Variants in AUTS2 observed in about 807,000 individuals in gnomAD.
AUTS2 encodes activator of transcription and developmental regulator AUTS2.
Under a neutral mutation model 112.4 loss-of-function variants are expected in AUTS2, and 17 were observed. The observed-to-expected ratio is 0.15, with a 90% CI of 0.10 to 0.23. The LOEUF (loss-of-function observed/expected upper bound fraction) is 0.23, where lower values mean the gene tolerates loss of function less well. Ranked by LOEUF, AUTS2 falls within the 10% of genes least tolerant of loss-of-function variation. The pLI, the probability that AUTS2 is intolerant of heterozygous loss-of-function variation, is 1.00. For synonymous variants in AUTS2, 751 were observed against 702.7 expected, an observed-to-expected ratio of 1.07 and a Z score of -1.09; for missense variants, 1,510 against 1,701.6, an observed-to-expected ratio of 0.89 and a Z score of 1.98.
At chr7:70,472,855 A>G (rs1199865842) in intron 5 of AUTS2, among the ~76,000 whole-genome samples, 1 of 152,254 alleles carries the variant, frequency 6.6e-6, no homozygotes, top group East Asian at 1.9e-4. Flanking sequence ...TAACCACTCC[A>G]GTTGAATACC....
At chr7:69,962,288 C>T (rs1392113400) in intron 2 of AUTS2, among the ~76,000 whole-genome samples, 1 of 152,068 alleles carries the variant, frequency 6.6e-6, no homozygotes, top group Non-Finnish European at 1.5e-5. Flanking sequence ...GGCAGTGGGC[C>T]CTGGCTTCTT....
At chr7:70,339,983 G>A (rs1791182433) in intron 4 of AUTS2, among the ~76,000 whole-genome samples, 1 of 152,160 alleles carries the variant, frequency 6.6e-6, no homozygotes, top group African/African-American at 2.4e-5. Context: ...AATTTGAAGT[G>A]GAGGACAGGG....
At chr7:70,053,058 A>C (rs12698840) in intron 2 of AUTS2, among the ~76,000 whole-genome samples, 7,267 of 152,304 alleles carry the variant, frequency 0.048, 234 homozygotes, top group Non-Finnish European at 0.069. Context: ...AGGGATATAA[A>C]GATTGCTGCT....
chr7:70,165,113 TAGA>T (rs1398941768), intron 4 of AUTS2, among the ~76,000 whole-genome samples: 2 of 152,026 alleles, frequency 1.3e-5, no homozygotes, highest in Non-Finnish European at 2.9e-5. Context: ...CTTGATACGA[TAGA>T]GGAAAGAATA....
At chr7:69,640,533 A>T (rs1205803515) in intron 1 of AUTS2, among the ~76,000 whole-genome samples, 2 of 152,272 alleles carry the variant, frequency 1.3e-5, no homozygotes, top group Non-Finnish European at 2.9e-5. Context: ...CCCAGAAAGT[A>T]TTCCTTACCT....
At chr7:69,897,585 C>CAAAAAAAAAA (rs1372464590) in intron 1 of AUTS2, among the ~76,000 whole-genome samples, 1 of 96,714 alleles carries the variant, frequency 1.0e-5, no homozygotes. Flanking sequence ...ACTAAAAATA[C>CAAAAAAAAAA]AAAAAAAAAA....
chr7:69,730,205 A>G (rs1786729236), intron 1 of AUTS2, among the ~76,000 whole-genome samples: 1 of 150,974 alleles, frequency 6.6e-6, no homozygotes, highest in Non-Finnish European at 1.5e-5. Flanking sequence ...TTTTTATTTT[A>G]GTGCCATTGT....
At chr7:70,621,534 C>A (rs965981019) in intron 5 of AUTS2, among the ~76,000 whole-genome samples, 2 of 152,160 alleles carry the variant, frequency 1.3e-5, no homozygotes, top group African/African-American at 4.8e-5. Flanking sequence ...TCAAAAGTCA[C>A]AGACATTTTA....
At chr7:70,236,408 A>T (rs1812329822) in intron 4 of AUTS2, among the ~76,000 whole-genome samples, 1 of 152,216 alleles carries the variant, frequency 6.6e-6, no homozygotes, top group African/African-American at 2.4e-5. Context: ...TGCCAGGTGG[A>T]AATGGAGTGA....
chr7:70,440,347 T>A (rs1424669658), intron 5 of AUTS2, among the ~76,000 whole-genome samples: 1 of 151,738 alleles, frequency 6.6e-6, no homozygotes, highest in Non-Finnish European at 1.5e-5. Context: ...GTTTCAAGAC[T>A]GCAGTGAGCT....
At chr7:69,694,321 T>C (rs1307544568) in intron 1 of AUTS2, among the ~76,000 whole-genome samples, 4 of 152,212 alleles carry the variant, frequency 2.6e-5, no homozygotes, top group Admixed American at 2.6e-4. Context: ...ATTTTTTTTC[T>C]ACTTTTTAAA....
At chr7:70,747,877 A>G (rs1788562176) in intron 6 of AUTS2, among the ~76,000 whole-genome samples, 1 of 151,406 alleles carries the variant, frequency 6.6e-6, no homozygotes, top group Non-Finnish European at 1.5e-5. Flanking sequence ...GCTGGAGTGC[A>G]GTGGCGCGAT....
intron 4 of AUTS2, among the ~76,000 whole-genome samples, chr7:70,300,306 C>A (rs1014575824): frequency 1.3e-5 from 2 of 152,106 alleles, no homozygotes; most frequent in African/African-American, 4.8e-5. Flanking sequence ...ATTTGTTGGG[C>A]CACATTCAGA....
chr7:70,323,125 A>C (rs968779293), intron 4 of AUTS2, among the ~76,000 whole-genome samples: 1 of 152,200 alleles, frequency 6.6e-6, no homozygotes, highest in African/African-American at 2.4e-5. Flanking sequence ...CTATTTTACT[A>C]AGAAGATTGA....
chr7:69,877,559 G>A (rs1468218281), intron 1 of AUTS2, among the ~76,000 whole-genome samples: 1 of 152,030 alleles, frequency 6.6e-6, no homozygotes. Flanking sequence ...GAATGACCCC[G>A]TCACCCAGGT....
intron 4 of AUTS2, among the ~76,000 whole-genome samples, chr7:70,287,778 C>T (rs74300626): frequency 3.3e-5 from 5 of 149,568 alleles, no homozygotes; most frequent in Non-Finnish European, 4.4e-5. Flanking sequence ...AGAAGGAGAG[C>T]GAACCCACAA....
chr7:69,837,971 T>G (rs931160144), intron 1 of AUTS2, among the ~76,000 whole-genome samples: 7 of 152,170 alleles, frequency 4.6e-5, no homozygotes, highest in African/African-American at 1.7e-4. Flanking sequence ...AGATGTTCTC[T>G]TTTCCTTTTC....
Position 69,843,985 on chromosome 7 carries a change from G to A in AUTS2, c.310-55301G>A, listed in dbSNP as rs137977597. Among the ~76,000 whole-genome samples, 619 of 152,302 alleles carry A rather than the reference G, an allele frequency of 4.1e-3. 5 individuals carry two copies. The highest frequency in any genetic ancestry group is 0.014 in the African/African-American group (571 of 41,562). On this transcript the variant is annotated intron_variant, in intron 1 of 18. Coordinates refer to ENST00000342771, the MANE Select transcript of AUTS2 (RefSeq NM_015570.4). ...CTGATAAATAGTATCTTTGTATCAT[G>A]TGAGAGTTATTAAGACTGTGATAGA...
At chr7:70,281,844 A>G (rs1037225893) in intron 4 of AUTS2, among the ~76,000 whole-genome samples, 1 of 152,228 alleles carries the variant, frequency 6.6e-6, no homozygotes, top group Non-Finnish European at 1.5e-5. Context: ...ATGTAATTTC[A>G]GGTGCGGTTT....
Sources: gnomAD v4.1 joint callset for allele counts (sites outside exome capture counted in the v4.1 genomes callset) on GRCh38, gnomAD v4.1.1 for gene constraint, MANE v1.5 for transcripts, NCBI Gene and HGNC (gene_info 2026-07-23, HGNC 2026-07-21) for gene names.